The following PRLR variants were observed in gnomAD, a reference collection of about 807,000 sequenced individuals.
PRLR encodes hPRL receptor.
PRLR carries 13 observed loss-of-function variants against 40.2 expected under a neutral mutation model. That is an observed-to-expected ratio of 0.32 (90% CI 0.21 to 0.51). PRLR has a LOEUF of 0.51. Ranked by LOEUF, PRLR falls within the 20% of genes least tolerant of loss-of-function variation. PRLR has a pLI of 0.97. For synonymous variants in PRLR, 269 were observed against 278.7 expected (o/e 0.97, Z 0.35); for missense variants, 656 against 747.3 (o/e 0.88, Z 1.42).
At chr5:35,067,865 G>C (rs1310903327) in intron 9 of PRLR, among the ~76,000 whole-genome samples, 1 of 152,080 alleles carries the variant, frequency 6.6e-6, no homozygotes, top group East Asian at 1.9e-4. Flanking sequence ...TGATTGAGGG[G>C]GTGGTGGTGG....
At chr5:35,192,686 A>T (rs1021549659) in intron 1 of PRLR, among the ~76,000 whole-genome samples, 24 of 152,232 alleles carry the variant, frequency 1.6e-4, no homozygotes, top group Admixed American at 1.2e-3. Context: ...TGAACAAGAA[A>T]ATAAGATGGG....
At chr5:35,138,494 T>A (rs773523323) in intron 1 of PRLR, among the ~76,000 whole-genome samples, 14 of 152,222 alleles carry the variant, frequency 9.2e-5, no homozygotes, top group Non-Finnish European at 1.9e-4. Flanking sequence ...GAGATTGGAA[T>A]TTATGGAAAA....
chr5:35,188,222 T>A (rs977715233), intron 1 of PRLR, among the ~76,000 whole-genome samples: 2 of 152,250 alleles, frequency 1.3e-5, no homozygotes, highest in Non-Finnish European at 2.9e-5. Context: ...TTCTGATATT[T>A]TATTCCTCTT....
exon 9 of PRLR, chr5:35,048,896 G>T: frequency 3.0e-6 from 1 of 336,208 alleles, no homozygotes; most frequent in Non-Finnish European, 5.9e-6. Context: ...TGCAACTAGG[G>T]GGTCGAGGGA....
In PRLR at chr5:35,063,111, G is replaced by T. The variant is rs1231752635; in HGVS notation, c.*1978C>A. ...CTGCCCAGGTGATGCCTATGCAGTT[G>T]GTTCTCAGACAGTTAAAGTATCGAG... On this transcript the variant is annotated 3_prime_UTR_variant, in exon 10 of 10. Coordinates refer to ENST00000618457, the MANE Select transcript of PRLR (RefSeq NM_000949.7). 1 of 152,160 alleles carries T rather than the reference G, an allele frequency of 6.6e-6. No individual in the cohort carries two copies. The highest frequency in any genetic ancestry group is 1.5e-5 in the Non-Finnish European group (1 of 68,028). The allele number at this position is 152,160 out of a possible 1,614,324, so 9.4% of individuals were successfully genotyped here.
intron 1 of PRLR, among the ~76,000 whole-genome samples, chr5:35,147,484 TAATC>T (rs996441688): frequency 2.0e-5 from 3 of 152,202 alleles, no homozygotes; most frequent in Non-Finnish European, 4.4e-5. Context: ...TAGGAGTTGA[TAATC>T]AGACAATTTA....
chr5:35,049,186 A>G (rs929991791), exon 9 of PRLR: 2 of 700,698 alleles, frequency 2.9e-6, no homozygotes, highest in Admixed American at 4.0e-5. Context: ...CAGTGAGGCC[A>G]GTGGACACAC....
rs147496377 is a variant in PRLR, at chr5:35,113,119, C to T, written c.-44+4942G>A. Among the ~76,000 whole-genome samples the T allele has an allele frequency of 1.9e-3, 294 of 151,206 alleles. 2 individuals carry two copies. The highest frequency in any genetic ancestry group is 5.6e-3 in the African/African-American group (229 of 41,138). Reference sequence around the variant, plus strand: ...CCATCTTTCCATCAATCCATCAACCCGCCCACCCATTTATCCACCCACCCA... The same window carrying T: ...CCATCTTTCCATCAATCCATCAACCTGCCCACCCATTTATCCACCCACCCA... On this transcript the variant is annotated intron_variant, in intron 2 of 9. Transcript: ENST00000618457.
At chr5:35,158,738 T>C (rs1774584220) in intron 1 of PRLR, among the ~76,000 whole-genome samples, 1 of 151,966 alleles carries the variant, frequency 6.6e-6, no homozygotes, top group African/African-American at 2.4e-5. Context: ...TGGGAGACAA[T>C]CTCTTTCCTT....
At chr5:35,104,942 C>T (rs1197720849) in intron 2 of PRLR, among the ~76,000 whole-genome samples, 1 of 152,196 alleles carries the variant, frequency 6.6e-6, no homozygotes, top group Non-Finnish European at 1.5e-5. Flanking sequence ...CCCTGACCCC[C>T]GAGTAGCCTA....
chr5:35,208,175 G>A lies in PRLR; in HGVS notation c.-106+22093C>T, dbSNP rs199886369. 3.8e-3 allele frequency among the ~76,000 whole-genome samples: 546 copies of A among 145,426 alleles called. 3 individuals are homozygous for A. Among genetic ancestry groups the A allele is most frequent in the Non-Finnish European group, 6.6e-3 (434 of 65,968 alleles). On this transcript the variant is annotated intron_variant, in intron 1 of 9. Coordinates refer to ENST00000618457, the MANE Select transcript of PRLR (RefSeq NM_000949.7). ...CCTGCTCCTTCACACACCCACGCGC[G>A]CGCACACACACACACACACACACAC...
intron 1 of PRLR, among the ~76,000 whole-genome samples, chr5:35,182,633 G>C (rs1260544758): frequency 6.6e-6 from 1 of 152,198 alleles, no homozygotes; most frequent in African/African-American, 2.4e-5. Context: ...GGAGGCCTTT[G>C]CTGTTTCCAC....
chr5:35,058,898 A>G lies in PRLR; in HGVS notation c.*6191T>C, dbSNP rs1768876721. 6.6e-6 allele frequency: 1 copy of G among 152,230 alleles called. No homozygotes were observed. Among genetic ancestry groups the G allele is most frequent in the South Asian group, 2.1e-4 (1 of 4,832 alleles). The allele number at this position is 152,230 out of a possible 1,614,324, so 9.4% of individuals were successfully genotyped here. On this transcript the variant is annotated 3_prime_UTR_variant, in exon 10 of 10. Coordinates refer to ENST00000618457, the MANE Select transcript of PRLR (RefSeq NM_000949.7). The stretch of plus-strand genomic sequence containing the variant: ...ATGAGACATGACATCTTTCATTTCT[A>G]AACTATAAGCAGCTTTGAAGGAAGG...
chr5:35,171,749 C>T (rs1775003264), intron 1 of PRLR, among the ~76,000 whole-genome samples: 1 of 152,072 alleles, frequency 6.6e-6, no homozygotes, highest in African/African-American at 2.4e-5. Context: ...GGTTGTAGGA[C>T]ATGGAAGACG....
intron 1 of PRLR, among the ~76,000 whole-genome samples, chr5:35,179,722 C>G (rs1380644574): frequency 1.3e-5 from 2 of 151,860 alleles, no homozygotes; most frequent in African/African-American, 4.8e-5. Flanking sequence ...GATTATAATC[C>G]CCAGTGTTGG....
chr5:35,179,424 C>A (rs186055891), intron 1 of PRLR, among the ~76,000 whole-genome samples: 1 of 152,168 alleles, frequency 6.6e-6, no homozygotes, highest in Admixed American at 6.5e-5. Context: ...CTACAGGCCA[C>A]GCGAATAAGG....
chr5:35,072,021 G>A (rs1008587230), intron 6 of PRLR, among the ~76,000 whole-genome samples: 3 of 151,772 alleles, frequency 2.0e-5, no homozygotes, highest in African/African-American at 4.8e-5. Context: ...TCAGCCTCCC[G>A]AGGAGCTGGG....
rs531364024 is a variant in PRLR, at chr5:35,200,750, C to T, written c.-106+29518G>A. Among the ~76,000 whole-genome samples the T allele has an allele frequency of 1.1e-4, 16 of 152,276 alleles. No homozygotes were observed. In the South Asian group the frequency reaches 1.2e-3, roughly 12 times the overall value. On this transcript the variant is annotated intron_variant, in intron 1 of 9. Transcript: ENST00000618457. ...TTCCAGGTCAGAGAGACCCTACATACGCCTGGCCTGACTGAATCTTCCCCT... is the reference window on the plus strand; with the variant it reads ...TTCCAGGTCAGAGAGACCCTACATATGCCTGGCCTGACTGAATCTTCCCCT...
intron 1 of PRLR, among the ~76,000 whole-genome samples, chr5:35,160,301 C>T (rs1479661036): frequency 6.6e-6 from 1 of 152,156 alleles, no homozygotes. Context: ...CTATGGCTGC[C>T]TTCATGCTAC....
Sources: allele counts gnomAD v4.1 joint callset (sites outside exome capture counted in the v4.1 genomes callset), GRCh38; gene constraint gnomAD v4.1.1; transcripts MANE v1.5; gene names NCBI Gene and HGNC (gene_info 2026-07-23, HGNC 2026-07-21).